SLC38A11: variants seen among roughly 807,000 people sequenced by gnomAD.
SLC38A11 encodes solute carrier family 38 member 11.
In SLC38A11, 51 loss-of-function variants were observed where a neutral mutation model predicts 49.4. The observed-to-expected ratio is 1.03, with a 90% CI of 0.83 to 1.30. The LOEUF (loss-of-function observed/expected upper bound fraction) is 1.30. Among genes scored for constraint, SLC38A11 ranks in the 50% most tolerant of loss-of-function variants. The pLI is 0.00. For synonymous variants in SLC38A11, 203 were observed against 192.9 expected, an observed-to-expected ratio of 1.05 and a Z score of -0.43; for missense variants, 574 against 556.2, an observed-to-expected ratio of 1.03 and a Z score of -0.32.
rs1167209879 is a variant in SLC38A11, at chr2:164,952,729, T to G, written c.207A>C (p.Leu69Phe). 6.2e-7 allele frequency: 1 copy of G among 1,608,394 alleles called. No homozygotes were observed. Among genetic ancestry groups the G allele is most frequent in the Non-Finnish European group, 8.5e-7 (1 of 1,178,454 alleles). Residue 69 changes from leucine (L) to phenylalanine (F), a missense_variant, in exon 3 of 12, where the codon TTA becomes TTC. Coordinates refer to ENST00000685975, the MANE Select transcript of SLC38A11 (RefSeq NM_001351537.2). The part of the protein sequence containing the change: ...QAGFPLGILL[L>F]FWVSYVTDFS... ...TACCTGTAACATATGAAACCCAGAA[T>G]AAAAGCAATATTCCCAAAGGAAACC...
Position 164,896,521 on chromosome 2 carries a change from G to A in SLC38A11, c.*1916C>T, listed in dbSNP as rs1290547469. 1.3e-5 allele frequency: 2 copies of A among 152,080 alleles called. No homozygotes were observed. Among genetic ancestry groups the A allele is most frequent in the Admixed American group, 1.3e-4 (2 of 15,248 alleles). The allele number at this position is 152,080 out of a possible 1,614,324, so 9.4% of individuals were successfully genotyped here. ...GTTTCTCAGTCTTGAGCAATGTAAT[G>A]ACAGACTGTGGCAAAAATTTCTTAC... On this transcript the variant is annotated 3_prime_UTR_variant, in exon 12 of 12. Coordinates refer to ENST00000685975, the MANE Select transcript of SLC38A11 (RefSeq NM_001351537.2).
At chr2:164,930,304 G>C (rs913287062) in intron 7 of SLC38A11, among the ~76,000 whole-genome samples, 3 of 152,034 alleles carry the variant, frequency 2.0e-5, no homozygotes, top group Non-Finnish European at 4.4e-5. Context: ...ACGATTCACG[G>C]CTGAATTCCA....
At chr2:164,952,223 C>T (rs1559135682) in intron 3 of SLC38A11, among the ~76,000 whole-genome samples, 2 of 152,270 alleles carry the variant, frequency 1.3e-5, no homozygotes, top group East Asian at 1.9e-4. Context: ...CATTTAAAGA[C>T]AGTAGCAGGC....
intron 2 of SLC38A11, chr2:164,952,999 C>G (rs1688626145): frequency 8.6e-6 from 4 of 465,266 alleles, no homozygotes; most frequent in Non-Finnish European, 1.5e-5. Flanking sequence ...GTTAAGAGAG[C>G]AAGTTTCTGA....
At chr2:164,934,537 A>G (rs908253485) in intron 7 of SLC38A11, among the ~76,000 whole-genome samples, 1 of 152,132 alleles carries the variant, frequency 6.6e-6, no homozygotes, top group African/African-American at 2.4e-5. Flanking sequence ...TACTCAGATG[A>G]TTCTCATGTG....
chr2:164,954,549 ATAAT>A (rs769063459), intron 2 of SLC38A11, 78 bp downstream of exon 2: 24 of 569,546 alleles, frequency 4.2e-5, no homozygotes, highest in Non-Finnish European at 5.9e-5. Context: ...TTCTTTAAAA[ATAAT>A]TAATGAACAC....
At chr2:164,954,809 T>G (rs925130189) in intron 1 of SLC38A11, 64 bp from the exon 2 acceptor site, 2 of 751,616 alleles carry the variant, frequency 2.7e-6, no homozygotes, top group Admixed American at 5.8e-5. Context: ...GTAACAAATA[T>G]GTAATGCAGG....
intron 7 of SLC38A11, among the ~76,000 whole-genome samples, chr2:164,930,209 C>A (rs1686898166): frequency 6.6e-6 from 1 of 151,966 alleles, no homozygotes; most frequent in Non-Finnish European, 1.5e-5. Flanking sequence ...CAAGAAGAAA[C>A]TGAATCCCTG....
intron 7 of SLC38A11, among the ~76,000 whole-genome samples, chr2:164,917,504 A>G (rs1468353892): frequency 6.6e-6 from 1 of 152,154 alleles, no homozygotes; most frequent in Non-Finnish European, 1.5e-5. Context: ...TGCTGCCTCC[A>G]CTACTCTAAA....
At chr2:164,947,117 CTTTTTTTTTTTTTTTTT>C (rs200284770) in intron 3 of SLC38A11, among the ~76,000 whole-genome samples, 17 of 72,896 alleles carry the variant, frequency 2.3e-4, no homozygotes, top group African/African-American at 3.1e-4. Flanking sequence ...TTTTTTATCT[CTTTTTTTTTTTTTTTTT>C]TTTTTTTTTT....
At chr2:164,946,995 C>T (rs2105512963) in intron 3 of SLC38A11, among the ~76,000 whole-genome samples, 1 of 152,068 alleles carries the variant, frequency 6.6e-6, no homozygotes, top group South Asian at 2.1e-4. Context: ...AACCATTCTC[C>T]TTTGGCCTTT....
chr2:164,918,185 G>C (rs1685935848), intron 7 of SLC38A11, among the ~76,000 whole-genome samples: 2 of 151,914 alleles, frequency 1.3e-5, no homozygotes, highest in East Asian at 1.9e-4. Flanking sequence ...TAGACCTTTT[G>C]ACTTTAAACT....
intron 5 of SLC38A11, among the ~76,000 whole-genome samples, chr2:164,940,132 G>A (rs2105501729): frequency 6.7e-6 from 1 of 149,978 alleles, no homozygotes; most frequent in Non-Finnish European, 1.5e-5. Context: ...AATGGCAGAA[G>A]CAACATATTG....
chr2:164,917,466 A>G (rs1311608981), intron 7 of SLC38A11, among the ~76,000 whole-genome samples: 1 of 152,150 alleles, frequency 6.6e-6, no homozygotes, highest in Non-Finnish European at 1.5e-5. Flanking sequence ...TCCAATTCCC[A>G]GTTTTGGGAG....
intron 2 of SLC38A11, among the ~76,000 whole-genome samples, chr2:164,953,896 A>T (rs1406409321): frequency 6.6e-6 from 1 of 152,150 alleles, no homozygotes; most frequent in Non-Finnish European, 1.5e-5. Flanking sequence ...AAAGAATAAT[A>T]ACCACTGAAA....
At chr2:164,926,917 A>G (rs1490579354) in intron 7 of SLC38A11, among the ~76,000 whole-genome samples, 1 of 151,186 alleles carries the variant, frequency 6.6e-6, no homozygotes. Context: ...AATGTAAATG[A>G]CGAGTTAATG....
intron 7 of SLC38A11, among the ~76,000 whole-genome samples, chr2:164,919,760 A>G (rs1250000261): frequency 6.6e-6 from 1 of 152,230 alleles, no homozygotes; most frequent in Non-Finnish European, 1.5e-5. Context: ...TAAAATTTGT[A>G]TCATTATTGT....
chr2:164,949,369 C>T (rs1184546255), intron 3 of SLC38A11, among the ~76,000 whole-genome samples: 3 of 152,204 alleles, frequency 2.0e-5, no homozygotes, highest in Admixed American at 6.5e-5. Flanking sequence ...CTGCCTCAGC[C>T]GCTTCAGCTT....
chr2:164,917,857 A>G (rs904109385), intron 7 of SLC38A11, among the ~76,000 whole-genome samples: 2 of 152,048 alleles, frequency 1.3e-5, no homozygotes, highest in Non-Finnish European at 2.9e-5. Flanking sequence ...TTCCTTGGGT[A>G]TATTCCCGGA....
Sources: gnomAD v4.1 joint callset for allele counts (sites outside exome capture counted in the v4.1 genomes callset) on GRCh38, gnomAD v4.1.1 for gene constraint, MANE v1.5 for transcripts, NCBI Gene and HGNC (gene_info 2026-07-23, HGNC 2026-07-21) for gene names.